Variants in CNTN6 observed in about 807,000 individuals in gnomAD.
The protein encoded by CNTN6 is contactin-6.
A neutral mutation model predicts 122.8 loss-of-function variants in CNTN6; 137 were observed. The ratio of observed to expected loss-of-function variants is 1.12; its 90% confidence interval spans 0.97 to 1.29. CNTN6 has a LOEUF of 1.29. Ranked by LOEUF, CNTN6 falls within the 50% of genes most tolerant of loss-of-function variation. CNTN6 has a pLI of 0.00. For synonymous variants in CNTN6, 570 were observed against 426.0 expected (o/e 1.34, Z -4.16); for missense variants, 1,634 against 1,223.4 (o/e 1.34, Z -5.01).
At chr3:1,357,870 G>A (rs915819539) in intron 12 of CNTN6, among the ~76,000 whole-genome samples, 3 of 143,174 alleles carry the variant, frequency 2.1e-5, no homozygotes, top group Admixed American at 1.4e-4. Context: ...TTATGTAAAT[G>A]CACATTTATG....
intron 3 of CNTN6, among the ~76,000 whole-genome samples, chr3:1,224,698 C>T (rs1167778641): frequency 6.6e-6 from 1 of 152,128 alleles, no homozygotes; most frequent in African/African-American, 2.4e-5. Context: ...CACAAACACA[C>T]ACATATTACG....
At chr3:1,352,678 C>A (rs1406162043) in intron 12 of CNTN6, among the ~76,000 whole-genome samples, 1 of 151,746 alleles carries the variant, frequency 6.6e-6, no homozygotes, top group African/African-American at 2.4e-5. Context: ...GTCAGAGTGT[C>A]ATTCGAGTTA....
intron 1 of CNTN6, among the ~76,000 whole-genome samples, chr3:1,106,132 A>C (rs149229618): frequency 1.3e-5 from 2 of 151,680 alleles, no homozygotes; most frequent in African/African-American, 4.8e-5. Context: ...TCAGGACTGC[A>C]TAAGGGGAAC....
intron 2 of CNTN6, among the ~76,000 whole-genome samples, chr3:1,174,907 A>C (rs535347584): frequency 9.2e-5 from 14 of 152,284 alleles, no homozygotes; most frequent in African/African-American, 3.1e-4. Flanking sequence ...GCACACACAG[A>C]CACACTCCCA....
At chr3:1,125,380 C>T (rs1392031487) in intron 1 of CNTN6, among the ~76,000 whole-genome samples, 1 of 151,662 alleles carries the variant, frequency 6.6e-6, no homozygotes, top group Non-Finnish European at 1.5e-5. Context: ...AAATTTGGGA[C>T]AAAAGAAAGC....
chr3:1,099,409 C>T (rs1194811023), intron 1 of CNTN6, among the ~76,000 whole-genome samples: 1 of 152,072 alleles, frequency 6.6e-6, no homozygotes, highest in Non-Finnish European at 1.5e-5. Flanking sequence ...CGAGATTGAG[C>T]CATTACACTC....
intron 6 of CNTN6, among the ~76,000 whole-genome samples, chr3:1,296,894 C>T (rs965588733): frequency 6.6e-6 from 1 of 151,978 alleles, no homozygotes; most frequent in African/African-American, 2.4e-5. Context: ...TGCTTCTTGC[C>T]TTCTTAATTC....
At chr3:1,384,790 T>TACACAC (rs1366071144) in intron 19 of CNTN6, among the ~76,000 whole-genome samples, 6 of 136,080 alleles carry the variant, frequency 4.4e-5, no homozygotes, top group African/African-American at 1.9e-4. Context: ...TATATATATA[T>TACACAC]ATATATACAC....
intron 8 of CNTN6, 138 bp from the exon 9 acceptor site, chr3:1,325,677 C>T: frequency 1.4e-6 from 1 of 713,314 alleles, no homozygotes; most frequent in South Asian, 3.1e-5. Context: ...TGCATGTCCC[C>T]TCCCTCAAAT....
chr3:1,274,931 C>T (rs1012740103), intron 4 of CNTN6, among the ~76,000 whole-genome samples: 4 of 152,102 alleles, frequency 2.6e-5, no homozygotes, highest in Non-Finnish European at 4.4e-5. Flanking sequence ...TTTATTGGAT[C>T]TTTTATCTTC....
At chr3:1,228,052 C>A in intron 4 of CNTN6, 59 bp downstream of exon 4, 3 of 1,490,338 alleles carry the variant, frequency 2.0e-6, no homozygotes, top group Non-Finnish European at 2.8e-6. Context: ...TCTTCTGATA[C>A]ACACATTTTA....
chr3:1,345,178 A>G (rs559310269), intron 11 of CNTN6, among the ~76,000 whole-genome samples: 9 of 150,812 alleles, frequency 6.0e-5, no homozygotes, highest in African/African-American at 2.2e-4. Flanking sequence ...GTGCGGTGGC[A>G]CGATCTTGGC....
intron 20 of CNTN6, among the ~76,000 whole-genome samples, chr3:1,396,411 G>A (rs1323592722): frequency 6.6e-6 from 1 of 152,168 alleles, no homozygotes; most frequent in African/African-American, 2.4e-5. Context: ...GTTGGAAAAA[G>A]TTGGAATGGG....
chr3:1,376,214 G>A (rs1027542179), intron 16 of CNTN6, among the ~76,000 whole-genome samples: 1 of 152,026 alleles, frequency 6.6e-6, no homozygotes, highest in African/African-American at 2.4e-5. Context: ...CCTCATTCTC[G>A]TGAGGCACTA....
rs185001386 is a variant in CNTN6 at position 1,107,506 on chromosome 3, C to T, written c.-83+14386C>T. 2.1e-3 allele frequency among the ~76,000 whole-genome samples: 327 copies of T among 152,186 alleles called. 1 individual carries two copies. Among genetic ancestry groups the T allele is most frequent in the Middle Eastern group, 6.8e-3 (2 of 294 alleles). On this transcript the variant is annotated intron_variant, in intron 1 of 22. Coordinates refer to ENST00000446702, the MANE Select transcript of CNTN6 (RefSeq NM_001289080.2). ...ATTGTGAGAGGGTAAAACAAATAAC[C>T]TTTCCTCCTTAAAATTAGATTGCTC...
chr3:1,178,894 T>C, intron 2 of CNTN6, among the ~76,000 whole-genome samples: 1 of 152,102 alleles, frequency 6.6e-6, no homozygotes, highest in Non-Finnish European at 1.5e-5. Flanking sequence ...GGGTAATCTC[T>C]TCACACTGCA....
At chr3:1,175,061 C>T (rs1270789859) in intron 2 of CNTN6, among the ~76,000 whole-genome samples, 1 of 151,678 alleles carries the variant, frequency 6.6e-6, no homozygotes, top group Non-Finnish European at 1.5e-5. Context: ...CATGGTGAGA[C>T]CCCATCTACA....
chr3:1,136,872 T>A (rs1288897291), intron 1 of CNTN6, among the ~76,000 whole-genome samples: 1 of 152,188 alleles, frequency 6.6e-6, no homozygotes, highest in Non-Finnish European at 1.5e-5. Flanking sequence ...TTCCTCCCAG[T>A]TTCAGTCTCT....
chr3:1,369,534 T>G (rs944852057), intron 12 of CNTN6, among the ~76,000 whole-genome samples: 9 of 152,208 alleles, frequency 5.9e-5, no homozygotes, highest in African/African-American at 2.2e-4. Context: ...TAAACATTTC[T>G]TATTCATAAA....
Sources: allele counts gnomAD v4.1 joint callset (sites outside exome capture counted in the v4.1 genomes callset), GRCh38; gene constraint gnomAD v4.1.1; transcripts MANE v1.5; gene names NCBI Gene and HGNC (gene_info 2026-07-23, HGNC 2026-07-21).